The following USP34 variants were observed in gnomAD, a reference collection of about 807,000 sequenced individuals.
The protein encoded by USP34 is ubiquitin specific peptidase 34.
A neutral mutation model predicts 460.3 loss-of-function variants in USP34; 70 were observed. The observed-to-expected ratio is 0.15, with a 90% confidence interval of 0.13 to 0.19. The LOEUF is 0.19. Ranked by LOEUF, USP34 falls within the 10% of genes least tolerant of loss-of-function variation. USP34 has a pLI of 1.00. For synonymous variants in USP34, 1,647 were observed against 1,405.3 expected (o/e 1.17, Z -3.85); for missense variants, 3,985 against 4,236.2 (o/e 0.94, Z 1.65).
At chr2:61,250,987 A>C (rs1688564044) in intron 48 of USP34, among the ~76,000 whole-genome samples, 1 of 152,042 alleles carries the variant, frequency 6.6e-6, no homozygotes, top group African/African-American at 2.4e-5. Flanking sequence ...AAATACAAAA[A>C]ATTAGCCGGG....
intron 43 of USP34, 48 bp downstream of exon 43, chr2:61,265,349 T>C (rs940140621): frequency 3.9e-5 from 61 of 1,558,940 alleles, no homozygotes; most frequent in Non-Finnish European, 5.3e-5. Flanking sequence ...CAACAAAATA[T>C]TAAAATCTGG....
chr2:61,416,433 A>G lies in USP34; in HGVS notation c.131+4313T>C, dbSNP rs1573019498. Among the ~76,000 whole-genome samples the G allele has an allele frequency of 4.6e-5, 7 of 152,334 alleles. No individual in the cohort carries two copies. The South Asian group carries it at 1.4e-3, about 32-fold the overall frequency. Reference sequence around the variant, plus strand: ...GGCGTCCAGAGTTCTTATATAGAAGAAATTCCTGAAATAAAGTTAAAAAGT... The same window carrying G: ...GGCGTCCAGAGTTCTTATATAGAAGGAATTCCTGAAATAAAGTTAAAAAGT... On this transcript the variant is annotated intron_variant, in intron 2 of 79. Transcript: ENST00000398571.
At chr2:61,465,643 G>C (rs1218093549) in intron 1 of USP34, among the ~76,000 whole-genome samples, 2 of 152,156 alleles carry the variant, frequency 1.3e-5, no homozygotes, top group Non-Finnish European at 2.9e-5. Context: ...AGGAGTTTGA[G>C]ACCAGCCTGG....
chr2:61,420,836 GA>G lies in USP34; in HGVS notation c.44-4del. 1 of 1,599,282 alleles carries G rather than the reference GA, an allele frequency of 6.3e-7. No homozygotes were observed. The highest frequency in any genetic ancestry group is 8.5e-7 in the Non-Finnish European group (1 of 1,173,676). On this transcript the variant is annotated splice_polypyrimidine_tract_variant and splice_region_variant and intron_variant, in intron 1 of 79. Transcript: ENST00000398571. ...ATCACCACCTTCTACATCTGATACT[GA>G]AATAAAAAAGAAATTTTAAAATTAT...
At chr2:61,413,487 G>GCCT (rs1211653671) in intron 2 of USP34, among the ~76,000 whole-genome samples, 1 of 149,048 alleles carries the variant, frequency 6.7e-6, no homozygotes, top group Non-Finnish European at 1.5e-5. Context: ...CGGGTGGACT[G>GCCT]CCTGAGCTCA....
intron 66 of USP34, among the ~76,000 whole-genome samples, chr2:61,221,250 C>G (rs1687573986): frequency 6.6e-6 from 1 of 152,138 alleles, no homozygotes; most frequent in East Asian, 1.9e-4. Flanking sequence ...TCTAGGACTT[C>G]TAGTTGCTTT....
At chr2:61,362,621 G>C (rs770153751) in intron 10 of USP34, among the ~76,000 whole-genome samples, 1 of 152,118 alleles carries the variant, frequency 6.6e-6, no homozygotes, top group Admixed American at 6.5e-5. Context: ...TCAAAGAAGC[G>C]GAGAGTACAG....
chr2:61,396,089 G>A (rs1331904421), intron 3 of USP34, among the ~76,000 whole-genome samples: 2 of 151,522 alleles, frequency 1.3e-5, no homozygotes, highest in Admixed American at 1.3e-4. Flanking sequence ...TAAAACTCAA[G>A]GTAATTCTGA....
chr2:61,262,497 T>A (rs1191732774), intron 43 of USP34, among the ~76,000 whole-genome samples: 1 of 152,200 alleles, frequency 6.6e-6, no homozygotes, highest in African/African-American at 2.4e-5. Flanking sequence ...CATACATGTT[T>A]TTGCAAAAGA....
chr2:61,234,021 G>A (rs1427774839), intron 57 of USP34, among the ~76,000 whole-genome samples: 1 of 152,026 alleles, frequency 6.6e-6, no homozygotes, highest in African/African-American at 2.4e-5. Context: ...GGAAAAAAAA[G>A]GAATAGGGGA....
At position 61,241,798 on chromosome 2, in the gene USP34, T is replaced by C; in HGVS notation, c.6649A>G (p.Thr2217Ala). ...AAAGAGAAGTCCATAAATTTATCTG[T>C]AACAGAATCATAGGTCTTGGTCTGT... ...EMTTKTYDSV[T>A]DKFMDFSFEK... The change falls in exon 52 of 80, where the codon ACA (threonine) becomes GCA (alanine). Residue 2217 changes from threonine (T) to alanine (A), a missense_variant. This residue lies in a region of USP34 where 604 missense variants were observed against 684.8 expected (regional missense o/e 0.88). Transcript: ENST00000398571. The C allele has an allele frequency of 6.5e-7, 1 of 1,538,886 alleles. No homozygotes were observed. Among genetic ancestry groups the C allele is most frequent in the East Asian group, 2.3e-5 (1 of 44,020 alleles).
At chr2:61,406,643 T>A (rs1334708141) in intron 2 of USP34, among the ~76,000 whole-genome samples, 5 of 149,112 alleles carry the variant, frequency 3.4e-5, no homozygotes, top group African/African-American at 9.9e-5. Context: ...ACACACACAC[T>A]CTCTCTTTCT....
At chr2:61,259,065 GC>G (rs1287598083) in intron 44 of USP34, among the ~76,000 whole-genome samples, 9 of 152,172 alleles carry the variant, frequency 5.9e-5, no homozygotes. Context: ...TTCGAGACCA[GC>G]CTGGCCAACA....
chr2:61,229,687 T>C (rs996703588), intron 58 of USP34, 54 bp from the exon 59 acceptor site: 4 of 1,476,236 alleles, frequency 2.7e-6, no homozygotes, highest in Non-Finnish European at 3.7e-6. Flanking sequence ...TAACAAAGAT[T>C]TGAAAAATTA....
intron 8 of USP34, among the ~76,000 whole-genome samples, chr2:61,374,159 GAAAAAAAAA>G (rs76561805): frequency 1.7e-5 from 2 of 117,702 alleles, no homozygotes; most frequent in African/African-American, 6.4e-5. Flanking sequence ...CCATCTCAGG[GAAAAAAAAA>G]AAAAAAAAAA....
chr2:61,278,100 C>A, intron 41 of USP34, 65 bp downstream of exon 41: 2 of 1,580,746 alleles, frequency 1.3e-6, no homozygotes, highest in Non-Finnish European at 8.6e-7. Flanking sequence ...CGGACTAATA[C>A]ACAATGTAAC....
chr2:61,435,032 A>G (rs1006191353), intron 1 of USP34, among the ~76,000 whole-genome samples: 2 of 152,148 alleles, frequency 1.3e-5, no homozygotes, highest in African/African-American at 4.8e-5. Flanking sequence ...GGCCAAGCAC[A>G]GCACCTCACA....
chr2:61,412,265 A>C (rs761841830), intron 2 of USP34, among the ~76,000 whole-genome samples: 1 of 133,338 alleles, frequency 7.5e-6, no homozygotes, highest in Non-Finnish European at 1.6e-5. Flanking sequence ...AATTTAGAGG[A>C]AACAGACAAA....
chr2:61,228,457 G>C (rs1293725508), intron 61 of USP34, among the ~76,000 whole-genome samples, 188 bp downstream of exon 61: 2 of 152,154 alleles, frequency 1.3e-5, no homozygotes, highest in Non-Finnish European at 2.9e-5. Flanking sequence ...TCATTACCTA[G>C]TTGTTTCTTT....
Sources: allele counts gnomAD v4.1 joint callset (sites outside exome capture counted in the v4.1 genomes callset), GRCh38; gene constraint gnomAD v4.1.1; regional missense constraint gnomAD v4.1.1; transcripts MANE v1.5; gene names NCBI Gene and HGNC (gene_info 2026-07-23, HGNC 2026-07-21).